AFF3: variants seen among roughly 807,000 people sequenced by gnomAD.
AFF3 encodes the protein ALF transcription elongation factor 3.
Under a neutral mutation model 129.7 loss-of-function variants are expected in AFF3, and 32 were observed. The ratio of observed to expected loss-of-function variants is 0.25; its 90% CI spans 0.19 to 0.33. AFF3 has a LOEUF of 0.33. Ranked by LOEUF, AFF3 falls within the 10% of genes least tolerant of loss-of-function variation. AFF3 has a pLI of 1.00. For missense variants in AFF3, 1,373 were observed against 1,592.0 expected (o/e 0.86, Z 2.34); for synonymous variants, 644 against 635.4 (o/e 1.01, Z -0.20).
At chr2:99,629,515 C>G (rs1471087195) in intron 13 of AFF3, among the ~76,000 whole-genome samples, 2 of 152,196 alleles carry the variant, frequency 1.3e-5, no homozygotes, top group African/African-American at 4.8e-5. Context: ...AGAGATGATG[C>G]AATTCCTCTG....
intron 7 of AFF3, among the ~76,000 whole-genome samples, chr2:99,962,192 C>T (rs1677293517): frequency 6.6e-6 from 1 of 152,152 alleles, no homozygotes; most frequent in African/African-American, 2.4e-5. Flanking sequence ...AAACTCCTTC[C>T]TCCTCCTCAA....
chr2:99,623,863 A>T (rs1269377583), intron 13 of AFF3, among the ~76,000 whole-genome samples: 1 of 152,202 alleles, frequency 6.6e-6, no homozygotes, highest in African/African-American at 2.4e-5. Context: ...AGCAGGCTGG[A>T]GCTGGCAGCT....
At chr2:99,562,970 G>T (rs1675608512) in intron 20 of AFF3, among the ~76,000 whole-genome samples, 1 of 152,070 alleles carries the variant, frequency 6.6e-6, no homozygotes, top group Non-Finnish European at 1.5e-5. Flanking sequence ...ACCAGGCTGA[G>T]CTCGTGTGGT....
intron 7 of AFF3, among the ~76,000 whole-genome samples, chr2:99,857,702 A>G (rs556528339): frequency 6.6e-6 from 1 of 152,294 alleles, no homozygotes; most frequent in Admixed American, 6.5e-5. Flanking sequence ...ACCCTACTCA[A>G]TTCAACCTTG....
chr2:100,131,106 G>A (rs1381623044), intron 1 of AFF3, among the ~76,000 whole-genome samples: 2 of 152,180 alleles, frequency 1.3e-5, no homozygotes, highest in Non-Finnish European at 1.5e-5. Context: ...TAAGAACGGG[G>A]CAGCTTACTA....
At chr2:99,902,757 GA>G (rs1456763169) in intron 7 of AFF3, among the ~76,000 whole-genome samples, 8 of 151,978 alleles carry the variant, frequency 5.3e-5, no homozygotes, top group African/African-American at 1.9e-4. Flanking sequence ...AAAACACAAA[GA>G]AAAAACAGTA....
intron 8 of AFF3, among the ~76,000 whole-genome samples, chr2:99,783,060 G>T (rs1040392380): frequency 6.6e-6 from 1 of 152,106 alleles, no homozygotes. Context: ...TCTTTTCTTC[G>T]CATATCTTTG....
intron 2 of AFF3, among the ~76,000 whole-genome samples, chr2:100,121,847 G>T (rs1171271177): frequency 6.6e-6 from 1 of 152,072 alleles, no homozygotes; most frequent in Non-Finnish European, 1.5e-5. Context: ...TGGATCATGA[G>T]GTCAGGAGAT....
At chr2:99,704,318 C>T (rs999244607) in intron 11 of AFF3, among the ~76,000 whole-genome samples, 2 of 151,982 alleles carry the variant, frequency 1.3e-5, no homozygotes, top group African/African-American at 2.4e-5. Flanking sequence ...CTACTAGAAA[C>T]AAGTTCTCTT....
chr2:99,876,442 A>C (rs1182142565), intron 7 of AFF3, among the ~76,000 whole-genome samples: 1 of 152,178 alleles, frequency 6.6e-6, no homozygotes, highest in South Asian at 2.1e-4. Flanking sequence ...TCAGTAAGTC[A>C]GGACAATTCT....
At chr2:99,580,437 T>G (rs368111746) in intron 17 of AFF3, among the ~76,000 whole-genome samples, 1 of 152,202 alleles carries the variant, frequency 6.6e-6, no homozygotes, top group Non-Finnish European at 1.5e-5. Context: ...GCAGCAGTTC[T>G]CAACTGGGGC....
At chr2:100,058,516 GTGCAA>G (rs1686986608) in intron 4 of AFF3, among the ~76,000 whole-genome samples, 1 of 152,150 alleles carries the variant, frequency 6.6e-6, no homozygotes, top group African/African-American at 2.4e-5. Context: ...AGCCACATAG[GTGCAA>G]TGCTTCTGGC....
intron 13 of AFF3, among the ~76,000 whole-genome samples, chr2:99,622,108 C>T (rs72966268): frequency 0.06 from 9,130 of 152,198 alleles, 918 homozygotes; most frequent in African/African-American, 0.21. Flanking sequence ...CCAACTAGGA[C>T]GTGCTGAGAA....
intron 9 of AFF3, among the ~76,000 whole-genome samples, chr2:99,751,281 T>C (rs532316290): frequency 1.2e-4 from 19 of 152,194 alleles, no homozygotes; most frequent in African/African-American, 4.3e-4. Context: ...TTAGTAGAGA[T>C]TGGGTTTCAG....
chr2:99,806,667 C>A (rs1686376445), intron 8 of AFF3, among the ~76,000 whole-genome samples: 1 of 152,098 alleles, frequency 6.6e-6, no homozygotes, highest in Middle Eastern at 3.2e-3. Context: ...TCACAGGAGT[C>A]CTATCCCTTC....
intron 7 of AFF3, among the ~76,000 whole-genome samples, chr2:99,954,283 T>C (rs1222580128): frequency 6.6e-6 from 1 of 152,176 alleles, no homozygotes; most frequent in Non-Finnish European, 1.5e-5. Context: ...AAGGCATTGT[T>C]TGGGTTTTTC....
intron 2 of AFF3, among the ~76,000 whole-genome samples, chr2:100,108,581 A>C (rs1350602158): frequency 6.6e-6 from 1 of 152,134 alleles, no homozygotes; most frequent in East Asian, 1.9e-4. Flanking sequence ...CCTAGAAGCC[A>C]GGGTCATTTC....
intron 8 of AFF3, among the ~76,000 whole-genome samples, chr2:99,765,327 C>T (rs1408391137): frequency 2.0e-5 from 3 of 152,182 alleles, no homozygotes; most frequent in Non-Finnish European, 4.4e-5. Flanking sequence ...ACATTCTTGG[C>T]CACGTTTTCC....
At position 99,548,572 on chromosome 2, in the gene AFF3, T is replaced by C; in HGVS notation, c.*2902A>G. The C allele has an allele frequency of 5.1e-6, 1 of 196,698 alleles. No homozygotes were observed. The highest frequency in any genetic ancestry group is 1.1e-5 in the Non-Finnish European group (1 of 95,136). 12.2% of individuals were successfully genotyped at this position (196,698 alleles called of 1,614,324 possible). A position where few individuals can be genotyped will look rare whatever the true frequency, so the allele number is the denominator to read the frequency against. On this transcript the variant is annotated 3_prime_UTR_variant, in exon 25 of 25. Coordinates refer to ENST00000672756, the MANE Select transcript of AFF3 (RefSeq NM_001386135.1). ...GGCAACATAGTGAGACCCCCATCTC[T>C]ACAAAAAAAATAAAGAAAAAATTAG...
Sources: gnomAD v4.1 joint callset for allele counts (sites outside exome capture counted in the v4.1 genomes callset) on GRCh38, gnomAD v4.1.1 for gene constraint, MANE v1.5 for transcripts, NCBI Gene and HGNC (gene_info 2026-07-23, HGNC 2026-07-21) for gene names.